LUZP2: variants seen among roughly 807,000 people sequenced by gnomAD.
LUZP2 encodes leucine zipper protein 2.
LUZP2 carries 52 observed loss-of-function variants against 51.6 expected under a neutral mutation model. The observed-to-expected ratio is 1.01, with a 90% CI of 0.81 to 1.27. The LOEUF is 1.27. LUZP2 is among the 50% of genes most tolerant of loss of function. LUZP2 has a pLI of 0.00. For synonymous variants in LUZP2, 154 were observed against 137.3 expected, an observed-to-expected ratio of 1.12 and a Z score of -0.85; for missense variants, 436 against 395.4, an observed-to-expected ratio of 1.10 and a Z score of -0.87.
intron 1 of LUZP2, among the ~76,000 whole-genome samples, chr11:24,678,222 A>G (rs949713108): frequency 6.6e-6 from 1 of 152,088 alleles, no homozygotes; most frequent in Non-Finnish European, 1.5e-5. Flanking sequence ...CAGGACAATC[A>G]ATGGCCCATA....
Position 24,919,465 on chromosome 11 carries a change from T to G in LUZP2, c.522+4927T>G, listed in dbSNP as rs1320177157. ...TTATATATGACATATATTGATAATA[T>G]ATGTTATATATTATATATAATATAT... is the stretch of plus-strand genomic sequence containing the variant. On this transcript the variant is annotated intron_variant, in intron 7 of 11. Transcript: ENST00000336930. 3.8e-5 allele frequency among the ~76,000 whole-genome samples: 5 copies of G among 133,010 alleles called. No homozygotes were observed. In the South Asian group the frequency reaches 9.2e-4, roughly 25 times the overall value. 87.3% of individuals were successfully genotyped at this position (133,010 alleles called of 152,430 possible).
chr11:24,965,096 A>G (rs527882665), intron 7 of LUZP2, among the ~76,000 whole-genome samples: 2 of 151,528 alleles, frequency 1.3e-5, no homozygotes, highest in South Asian at 2.1e-4. Context: ...ATAAGGAACA[A>G]CAGCCTATAT....
intron 9 of LUZP2, among the ~76,000 whole-genome samples, chr11:25,047,349 TTTTTTACTTTTTAATTTTC>T (rs1858344628): frequency 9.0e-6 from 1 of 111,582 alleles, no homozygotes; most frequent in African/African-American, 3.3e-5. Context: ...TATTTTTTTT[TTTTTTACTTTTTAATTTTC>T]TTTTTTTTAT....
At chr11:25,041,609 T>A (rs958984529) in intron 9 of LUZP2, among the ~76,000 whole-genome samples, 1 of 152,210 alleles carries the variant, frequency 6.6e-6, no homozygotes, top group African/African-American at 2.4e-5. Flanking sequence ...TATAAAGTGA[T>A]ATGTATCTTA....
intron 1 of LUZP2, among the ~76,000 whole-genome samples, chr11:24,655,650 A>G (rs1218700664): frequency 6.6e-6 from 1 of 152,236 alleles, no homozygotes; most frequent in Non-Finnish European, 1.5e-5. Flanking sequence ...TAGATTACAC[A>G]GGACATCTGA....
In LUZP2 at chr11:24,823,306, G is replaced by A. The variant is rs552331847; in HGVS notation, c.396+59998G>A. ...TAAAAGCAAGTCCAAAGGCACTGAGGTTTCAAGTCTTGGTGTGTTTTAGGA... is the reference window on the plus strand; with the variant it reads ...TAAAAGCAAGTCCAAAGGCACTGAGATTTCAAGTCTTGGTGTGTTTTAGGA... On this transcript the variant is annotated intron_variant, in intron 5 of 11. Coordinates refer to ENST00000336930, the MANE Select transcript of LUZP2 (RefSeq NM_001009909.4). Among the ~76,000 whole-genome samples, 14 of 151,314 alleles carry A rather than the reference G, an allele frequency of 9.3e-5. No homozygotes were observed. In the South Asian group the frequency reaches 2.7e-3, roughly 30 times the overall value.
chr11:24,824,019 C>T (rs945228517), intron 5 of LUZP2, among the ~76,000 whole-genome samples: 11 of 151,106 alleles, frequency 7.3e-5, no homozygotes, highest in Admixed American at 7.3e-4. Context: ...GCCAAGATCA[C>T]GCCACTGCAC....
At chr11:24,665,633 TA>T (rs924428769) in intron 1 of LUZP2, among the ~76,000 whole-genome samples, 6 of 152,142 alleles carry the variant, frequency 3.9e-5, no homozygotes, top group African/African-American at 9.7e-5. Context: ...CTCATGCTAG[TA>T]AAAAATTTGT....
chr11:24,887,536 ATGGTGCCTGTAAG>A (rs1439909689), intron 5 of LUZP2, among the ~76,000 whole-genome samples: 1 of 152,218 alleles, frequency 6.6e-6, no homozygotes, highest in African/African-American at 2.4e-5. Flanking sequence ...GCTAGGCAAA[ATGGTGCCTGTAAG>A]TTATTATCTC....
At chr11:24,852,088 G>C (rs1355824424) in intron 5 of LUZP2, among the ~76,000 whole-genome samples, 2 of 148,108 alleles carry the variant, frequency 1.4e-5, no homozygotes, top group African/African-American at 2.5e-5. Flanking sequence ...TTTTTTTTAA[G>C]ATTTTTCATG....
chr11:24,689,549 T>C (rs1215293933), intron 1 of LUZP2, among the ~76,000 whole-genome samples: 1 of 152,156 alleles, frequency 6.6e-6, no homozygotes, highest in East Asian at 1.9e-4. Flanking sequence ...GACCAATTTC[T>C]ATTTTAGAGA....
chr11:24,993,460 T>G (rs958135674), intron 9 of LUZP2, among the ~76,000 whole-genome samples: 13 of 152,192 alleles, frequency 8.5e-5, no homozygotes, highest in African/African-American at 2.9e-4. Flanking sequence ...ATTGCCAGTC[T>G]TGTTTTATCT....
chr11:25,033,877 C>T (rs1321600888), intron 9 of LUZP2, among the ~76,000 whole-genome samples: 4 of 152,006 alleles, frequency 2.6e-5, no homozygotes, highest in African/African-American at 9.7e-5. Flanking sequence ...TGAATGGTGC[C>T]GCAATGAACA....
At chr11:24,818,705 C>T (rs1850263962) in intron 5 of LUZP2, among the ~76,000 whole-genome samples, 2 of 152,046 alleles carry the variant, frequency 1.3e-5, no homozygotes, top group Non-Finnish European at 2.9e-5. Flanking sequence ...ATGCAAAGGA[C>T]ATTTCTTCTG....
chr11:25,007,553 A>G (rs1037198127), intron 9 of LUZP2, among the ~76,000 whole-genome samples: 2 of 152,080 alleles, frequency 1.3e-5, no homozygotes, highest in Non-Finnish European at 2.9e-5. Flanking sequence ...CAGTGGGCCG[A>G]GCTCACACCA....
chr11:24,903,240 A>G (rs2133782697), intron 5 of LUZP2, among the ~76,000 whole-genome samples: 1 of 152,318 alleles, frequency 6.6e-6, no homozygotes, highest in Middle Eastern at 3.4e-3. Flanking sequence ...TTTTTAAAAA[A>G]AGAACCCTAA....
chr11:24,983,290 C>G lies in LUZP2; in HGVS notation c.762C>G (p.Ser254Arg), dbSNP rs140789355. ...AGCTTCCAGATGCAGCGGCCAAAAG[C>G]AAGGTACCTACCTTTTATTTGCGCT... is the stretch of plus-strand genomic sequence containing the variant. ...ASKLPDAAAK[S>R]KPQQSASGNN... Residue 254 changes from serine (S) to arginine (R), a missense_variant, in exon 9 of 12, where the codon AGC (serine) becomes AGG (arginine). Transcript: ENST00000336930. 1.6e-4 allele frequency: 255 copies of G among 1,611,396 alleles called. No homozygotes were observed. The highest frequency in any genetic ancestry group is 9.9e-4 in the Middle Eastern group (6 of 6,042).
intron 1 of LUZP2, among the ~76,000 whole-genome samples, chr11:24,566,701 ATGTG>A (rs200559271): frequency 6.8e-6 from 1 of 146,284 alleles, no homozygotes; most frequent in African/African-American, 2.5e-5. Context: ...TCACTAGGTA[ATGTG>A]TGTGTGTATA....
At chr11:24,755,998 T>C (rs1859759645) in intron 4 of LUZP2, among the ~76,000 whole-genome samples, 1 of 152,152 alleles carries the variant, frequency 6.6e-6, no homozygotes, top group Non-Finnish European at 1.5e-5. Flanking sequence ...ACGTTTGCCA[T>C]CTATTCTCTG....
Sources: allele counts gnomAD v4.1 joint callset (sites outside exome capture counted in the v4.1 genomes callset), GRCh38; gene constraint gnomAD v4.1.1; transcripts MANE v1.5; gene names NCBI Gene and HGNC (gene_info 2026-07-23, HGNC 2026-07-21).